The following GABRG3 variants were observed in gnomAD, a reference collection of about 807,000 sequenced individuals.
GABRG3 encodes gamma-aminobutyric acid type A receptor subunit gamma3, also known as gamma-aminobutyric acid receptor subunit gamma-3.
Under a neutral mutation model 48.8 loss-of-function variants are expected in GABRG3, and 25 were observed. The ratio of observed to expected loss-of-function variants is 0.51; its 90% CI spans 0.37 to 0.72. The LOEUF is 0.72. Ranked by LOEUF, GABRG3 falls within the 30% of genes least tolerant of loss-of-function variation. The pLI, the probability that GABRG3 is intolerant of heterozygous loss-of-function variation, is 0.00. For missense variants in GABRG3, 394 were observed against 577.9 expected (o/e 0.68, Z 3.26); for synonymous variants, 227 against 217.6 (o/e 1.04, Z -0.38).
chr15:27,388,215 A>AG (rs1361834430), intron 5 of GABRG3, among the ~76,000 whole-genome samples: 3 of 62,752 alleles, frequency 4.8e-5, no homozygotes, highest in Admixed American at 3.3e-4. Flanking sequence ...GAAGGAAAGG[A>AG]GGAAGGAAGG....
chr15:27,521,735 C>G (rs1369790007), intron 7 of GABRG3, among the ~76,000 whole-genome samples: 1 of 151,870 alleles, frequency 6.6e-6, no homozygotes, highest in Non-Finnish European at 1.5e-5. Context: ...ACTAACTAGA[C>G]TTAAGAGCAG....
chr15:27,064,934 T>A (rs553043284), intron 3 of GABRG3, among the ~76,000 whole-genome samples: 1 of 152,358 alleles, frequency 6.6e-6, no homozygotes, highest in African/African-American at 2.4e-5. Context: ...GTTCCTTTTT[T>A]AATTAATATA....
chr15:27,038,472 G>A (rs1035670198), intron 3 of GABRG3, among the ~76,000 whole-genome samples: 2 of 152,224 alleles, frequency 1.3e-5, no homozygotes, highest in Non-Finnish European at 2.9e-5. Flanking sequence ...CTCCTGTCCC[G>A]TGGTAGGTGT....
intron 3 of GABRG3, among the ~76,000 whole-genome samples, chr15:27,036,689 C>G (rs1328777831): frequency 1.3e-5 from 2 of 152,052 alleles, no homozygotes; most frequent in Non-Finnish European, 2.9e-5. Context: ...GACTCCATCT[C>G]AAAAATAATA....
intron 3 of GABRG3, among the ~76,000 whole-genome samples, chr15:27,308,410 A>G (rs1009405658): frequency 6.8e-6 from 1 of 146,214 alleles, no homozygotes; most frequent in African/African-American, 2.5e-5. Context: ...ATAAACATAT[A>G]TAAACATGTA....
chr15:27,270,292 T>C lies in GABRG3; in HGVS notation c.271-56517T>C, dbSNP rs11858547. Among the ~76,000 whole-genome samples, 1,293 of 151,052 alleles carry C rather than the reference T, an allele frequency of 8.6e-3. 14 individuals carry two copies. Among genetic ancestry groups the C allele is most frequent in the African/African-American group, 0.03 (1,227 of 41,074 alleles). ...GAGGAGGTGTGTAGATGTCTGATAA[T>C]TGATTTTTGTGTGTGTGCCTTATGT... On this transcript the variant is annotated intron_variant, in intron 3 of 9. Coordinates refer to ENST00000615808, the MANE Select transcript of GABRG3 (RefSeq NM_033223.5).
intron 2 of GABRG3, among the ~76,000 whole-genome samples, chr15:27,023,674 G>A (rs1227126057): frequency 2.0e-5 from 3 of 152,204 alleles, no homozygotes; most frequent in Non-Finnish European, 4.4e-5. Flanking sequence ...ATATTCCATT[G>A]TCTATGTATA....
At position 27,535,305 on chromosome 15, in the gene GABRG3, A is replaced by G. The variant is rs903493311; in HGVS notation, c.*2424A>G. 6.6e-6 allele frequency: 1 copy of G among 152,228 alleles called. No individual in the cohort carries two copies. The highest frequency in any genetic ancestry group is 1.5e-5 in the Non-Finnish European group (1 of 68,040). The allele number at this position is 152,228 out of a possible 1,614,324, so 9.4% of individuals were successfully genotyped here. A position where few individuals can be genotyped will look rare whatever the true frequency, so the allele number is the denominator to read the frequency against. On this transcript the variant is annotated 3_prime_UTR_variant, in exon 10 of 10. Transcript: ENST00000615808. ...GGAAAATAACCTAAAACAACTTTTTATAACATGGATTTGTTTGATTTTACC... is the reference window on the plus strand; with the variant it reads ...GGAAAATAACCTAAAACAACTTTTTGTAACATGGATTTGTTTGATTTTACC...
At chr15:27,166,991 G>T (rs1424902613) in intron 3 of GABRG3, among the ~76,000 whole-genome samples, 3 of 152,172 alleles carry the variant, frequency 2.0e-5, no homozygotes, top group Non-Finnish European at 2.9e-5. Flanking sequence ...CTCCTGCTCA[G>T]TGTGACCTGC....
rs1031674943 is a variant in GABRG3, at chr15:27,319,073, A to C, written c.271-7736A>C. Among the ~76,000 whole-genome samples, 1 of 152,222 alleles carries C rather than the reference A, an allele frequency of 6.6e-6. No homozygotes were observed. The highest frequency in any genetic ancestry group is 1.5e-5 in the Non-Finnish European group (1 of 68,028). On this transcript the variant is annotated intron_variant, in intron 3 of 9. Coordinates refer to ENST00000615808, the MANE Select transcript of GABRG3 (RefSeq NM_033223.5). This position sits in a 1 kb window ranked among gnomAD's most constrained non-coding sequence, Gnocchi z 4.4. ...ATAAATGTTCTCACCACCATAAAAA[A>C]ATAAAAGGCAACTGTGAGGTGATGG... is the stretch of plus-strand genomic sequence containing the variant.
chr15:27,344,483 T>A (rs1162913032), intron 5 of GABRG3, among the ~76,000 whole-genome samples: 1 of 152,226 alleles, frequency 6.6e-6, no homozygotes, highest in African/African-American at 2.4e-5. Context: ...AAAGTTAATA[T>A]TGTATGGAAA....
intron 3 of GABRG3, among the ~76,000 whole-genome samples, chr15:27,239,475 T>A (rs1233946510): frequency 6.6e-6 from 1 of 152,250 alleles, no homozygotes; most frequent in East Asian, 1.9e-4. Context: ...TTTATAAAGC[T>A]TAGGATTATC....
At chr15:27,230,602 C>T (rs1389393351) in intron 3 of GABRG3, among the ~76,000 whole-genome samples, 1 of 152,058 alleles carries the variant, frequency 6.6e-6, no homozygotes, top group Non-Finnish European at 1.5e-5. Context: ...TTTGCATATG[C>T]TTTATTTTAA....
At chr15:27,017,716 G>T (rs151334950) in intron 2 of GABRG3, among the ~76,000 whole-genome samples, 1 of 152,330 alleles carries the variant, frequency 6.6e-6, no homozygotes, top group African/African-American at 2.4e-5. Context: ...CTTCTGTGTG[G>T]CTGGCTTTGC....
At chr15:27,273,397 C>T (rs183444463) in intron 3 of GABRG3, among the ~76,000 whole-genome samples, 1 of 152,310 alleles carries the variant, frequency 6.6e-6, no homozygotes, top group East Asian at 1.9e-4. Context: ...AGTGGAGTGA[C>T]TCTGCTCTTG....
intron 3 of GABRG3, among the ~76,000 whole-genome samples, chr15:27,225,262 C>T (rs1193830817): frequency 6.6e-6 from 1 of 152,018 alleles, no homozygotes; most frequent in Non-Finnish European, 1.5e-5. Flanking sequence ...ATGACAGTGC[C>T]CATAAACTAA....
chr15:27,198,474 A>T (rs1888577720), intron 3 of GABRG3, among the ~76,000 whole-genome samples: 1 of 152,256 alleles, frequency 6.6e-6, no homozygotes, highest in African/African-American at 2.4e-5. Context: ...TAGAATGGTG[A>T]TCATTAAAAT....
chr15:27,382,793 ATCAAGTTGTTGT>A (rs953665825), intron 5 of GABRG3, among the ~76,000 whole-genome samples: 3 of 152,096 alleles, frequency 2.0e-5, no homozygotes, highest in African/African-American at 2.4e-5. Context: ...GAGTCATAGT[ATCAAGTTGTTGT>A]TTACAGAGAT....
chr15:27,111,707 C>T (rs1331579599), intron 3 of GABRG3, among the ~76,000 whole-genome samples: 1 of 152,086 alleles, frequency 6.6e-6, no homozygotes, highest in Admixed American at 6.5e-5. Context: ...GTGGAGCTGC[C>T]TTGGTATAGG....
Sources: allele counts gnomAD v4.1 joint callset (sites outside exome capture counted in the v4.1 genomes callset), GRCh38; gene constraint gnomAD v4.1.1; non-coding constraint Gnocchi (gnomAD v3.1); transcripts MANE v1.5; gene names NCBI Gene and HGNC (gene_info 2026-07-23, HGNC 2026-07-21).